MYT1L: variants seen among roughly 807,000 people sequenced by gnomAD.
MYT1L encodes myelin transcription factor 1-like protein.
In MYT1L, 12 loss-of-function variants were observed where a neutral mutation model predicts 126.7. That is an observed-to-expected ratio of 0.09 (90% CI 0.06 to 0.15). The LOEUF is 0.15. Ranked by LOEUF, MYT1L falls within the 10% of genes least tolerant of loss-of-function variation. The pLI is 1.00. For synonymous variants in MYT1L, 541 were observed against 604.2 expected, an observed-to-expected ratio of 0.90 and a Z score of 1.53; for missense variants, 979 against 1,585.2, an observed-to-expected ratio of 0.62 and a Z score of 6.49.
At chr2:1,873,933 G>T (rs548465610) in intron 18 of MYT1L, among the ~76,000 whole-genome samples, 1 of 152,246 alleles carries the variant, frequency 6.6e-6, no homozygotes, top group African/African-American at 2.4e-5. Context: ...ATGGAGAGGG[G>T]TGGAGAGGGA....
chr2:2,085,717 C>T (rs772980034), intron 3 of MYT1L, among the ~76,000 whole-genome samples: 2 of 152,172 alleles, frequency 1.3e-5, no homozygotes, highest in Non-Finnish European at 2.9e-5. Flanking sequence ...TGAATTTGAT[C>T]CACACAGTCC....
chr2:1,976,979 G>C (rs200586063), intron 8 of MYT1L, among the ~76,000 whole-genome samples: 1 of 152,174 alleles, frequency 6.6e-6, no homozygotes, highest in East Asian at 1.9e-4. Flanking sequence ...GTGATGTAGT[G>C]GAAGCTAGCA....
chr2:1,895,630 G>A (rs2049468124), intron 14 of MYT1L, among the ~76,000 whole-genome samples: 1 of 152,180 alleles, frequency 6.6e-6, no homozygotes, highest in African/African-American at 2.4e-5. Context: ...GATAATGGCT[G>A]AGCTATTTGT....
intron 3 of MYT1L, among the ~76,000 whole-genome samples, chr2:2,068,300 C>A (rs904418494): frequency 3.9e-5 from 6 of 152,040 alleles, no homozygotes; most frequent in African/African-American, 1.4e-4. Flanking sequence ...AAGGAGAGTC[C>A]GAGGTTGCAG....
intron 3 of MYT1L, among the ~76,000 whole-genome samples, chr2:2,121,453 G>C (rs930716631): frequency 6.6e-6 from 1 of 151,850 alleles, no homozygotes. Flanking sequence ...GGGATTACAG[G>C]CATGAGCCAC....
intron 18 of MYT1L, among the ~76,000 whole-genome samples, chr2:1,866,623 C>CCGTCAG (rs2045536099): frequency 7.4e-5 from 2 of 27,146 alleles, no homozygotes; most frequent in Non-Finnish European, 1.2e-4. Context: ...GAGAGAGAGG[C>CCGTCAG]AGAGGGAGAG....
intron 13 of MYT1L, among the ~76,000 whole-genome samples, chr2:1,907,381 A>G (rs550882401): frequency 1.3e-5 from 2 of 152,334 alleles, no homozygotes; most frequent in East Asian, 3.9e-4. Context: ...AAAGGTGAGG[A>G]GGCAAAAAAG....
chr2:2,177,303 T>C (rs983646875), intron 2 of MYT1L, among the ~76,000 whole-genome samples: 1 of 152,240 alleles, frequency 6.6e-6, no homozygotes, highest in Non-Finnish European at 1.5e-5. Context: ...CATAAAATGT[T>C]TCAATGCAAT....
intron 21 of MYT1L, among the ~76,000 whole-genome samples, chr2:1,834,498 T>C (rs1026519919): frequency 2.0e-4 from 31 of 152,204 alleles, no homozygotes; most frequent in African/African-American, 6.8e-4. Context: ...TGGAATATTA[T>C]TCAGTCTCAA....
rs1030913870 is a variant in MYT1L at position 2,236,811 on chromosome 2, C to T, written c.-421+47593G>A. 3.8e-3 allele frequency among the ~76,000 whole-genome samples: 26 copies of T among 6,812 alleles called. 1 individual carries two copies. The highest frequency in any genetic ancestry group is 3.6e-3 in the Non-Finnish European group (14 of 3,930). 4.5% of individuals were successfully genotyped at this position (6,812 alleles called of 152,430 possible). ...TCTTCTTCTTCTTCTTCTTCTTCTTCTTCTTTTTTTTTTTTTTTTTTGATG... is the reference window on the plus strand; with the variant it reads ...TCTTCTTCTTCTTCTTCTTCTTCTTTTTCTTTTTTTTTTTTTTTTTTGATG... On this transcript the variant is annotated intron_variant, in intron 2 of 24. Coordinates refer to ENST00000647738, the MANE Select transcript of MYT1L (RefSeq NM_001303052.2).
At chr2:2,138,845 TAA>T (rs762275890) in intron 3 of MYT1L, among the ~76,000 whole-genome samples, 46 of 129,926 alleles carry the variant, frequency 3.5e-4, no homozygotes, top group African/African-American at 6.3e-4. Flanking sequence ...AAAGTATAAT[TAA>T]AAAAAAAAAA....
rs75016554 is a variant in MYT1L at position 1,880,928 on chromosome 2, C to T, written c.2711+5611G>A. On this transcript the variant is annotated intron_variant, in intron 18 of 24. Coordinates refer to ENST00000647738, the MANE Select transcript of MYT1L (RefSeq NM_001303052.2). ...AAGACAATGGCGAGGCATAAACAGACGGACCTGCACTGCGTTTCAAATATT... is the reference window on the plus strand; with the variant it reads ...AAGACAATGGCGAGGCATAAACAGATGGACCTGCACTGCGTTTCAAATATT... Among the ~76,000 whole-genome samples, 804 of 152,306 alleles carry T rather than the reference C, an allele frequency of 5.3e-3. 5 individuals are homozygous for T. The highest frequency in any genetic ancestry group is 0.018 in the African/African-American group (748 of 41,566).
At chr2:1,949,274 C>T (rs934429555) in intron 8 of MYT1L, among the ~76,000 whole-genome samples, 8 of 152,152 alleles carry the variant, frequency 5.3e-5, no homozygotes, top group Non-Finnish European at 8.8e-5. Flanking sequence ...AAAAGGCAAA[C>T]GCATGCTGGA....
intron 2 of MYT1L, among the ~76,000 whole-genome samples, chr2:2,181,785 C>T (rs2091563758): frequency 6.6e-6 from 1 of 152,162 alleles, no homozygotes; most frequent in Non-Finnish European, 1.5e-5. Flanking sequence ...ATACATCCTC[C>T]AACTAACTGC....
At chr2:1,909,474 T>C (rs1197516084) in intron 13 of MYT1L, among the ~76,000 whole-genome samples, 2 of 152,164 alleles carry the variant, frequency 1.3e-5, no homozygotes, top group Admixed American at 6.5e-5. Context: ...TGTGATGTTG[T>C]GTGAAAAGGC....
At chr2:2,288,881 G>A (rs1274330617) in intron 1 of MYT1L, among the ~76,000 whole-genome samples, 1 of 152,102 alleles carries the variant, frequency 6.6e-6, no homozygotes, top group Non-Finnish European at 1.5e-5. Flanking sequence ...GGAATGCCAG[G>A]CTTATATTCT....
chr2:2,197,815 GCA>G (rs763708740), intron 2 of MYT1L, among the ~76,000 whole-genome samples: 8 of 130,926 alleles, frequency 6.1e-5, no homozygotes, highest in Non-Finnish European at 1.1e-4. Flanking sequence ...ATACACACAT[GCA>G]CACACACACG....
At chr2:2,038,824 C>T (rs1170509855) in intron 4 of MYT1L, among the ~76,000 whole-genome samples, 1 of 152,092 alleles carries the variant, frequency 6.6e-6, no homozygotes, top group East Asian at 1.9e-4. Flanking sequence ...AACCCACACC[C>T]CAGCTCCCCA....
intron 9 of MYT1L, among the ~76,000 whole-genome samples, chr2:1,930,490 C>T (rs1033730967): frequency 1.3e-5 from 2 of 152,202 alleles, no homozygotes; most frequent in African/African-American, 4.8e-5. Flanking sequence ...GACCTCCCTG[C>T]AATCACAACG....
Sources: gnomAD v4.1 joint callset for allele counts (sites outside exome capture counted in the v4.1 genomes callset) on GRCh38, gnomAD v4.1.1 for gene constraint, MANE v1.5 for transcripts, NCBI Gene and HGNC (gene_info 2026-07-23, HGNC 2026-07-21) for gene names.